Variants in HS6ST3 observed in about 807,000 individuals in gnomAD.
The protein encoded by HS6ST3 is heparan-sulfate 6-O-sulfotransferase 3.
A neutral mutation model predicts 36.7 loss-of-function variants in HS6ST3; 12 were observed. The observed-to-expected ratio is 0.33, with a 90% confidence interval of 0.21 to 0.53. The LOEUF is 0.53. Among genes scored for constraint, HS6ST3 ranks in the 20% least tolerant of loss-of-function variants. HS6ST3 has a pLI of 0.95. For missense variants in HS6ST3, 584 were observed against 640.9 expected (o/e 0.91, Z 0.96); for synonymous variants, 240 against 257.5 (o/e 0.93, Z 0.65).
intron 1 of HS6ST3, among the ~76,000 whole-genome samples, chr13:96,769,490 A>T (rs1877204621): frequency 7.3e-6 from 1 of 136,778 alleles, no homozygotes; most frequent in Non-Finnish European, 1.5e-5. Context: ...CCCCAAACAA[A>T]GGAGAAGCTG....
chr13:96,441,821 G>A (rs1478201088), intron 1 of HS6ST3, among the ~76,000 whole-genome samples: 3 of 151,744 alleles, frequency 2.0e-5, no homozygotes, highest in African/African-American at 7.3e-5. Context: ...AAAAAGACAA[G>A]AAAACAGAAA....
intron 1 of HS6ST3, among the ~76,000 whole-genome samples, chr13:96,105,689 A>C (rs2053838349): frequency 6.6e-6 from 1 of 152,188 alleles, no homozygotes; most frequent in African/African-American, 2.4e-5. Flanking sequence ...GTTATAAAAC[A>C]TTGAATGGTT....
Position 96,284,411 on chromosome 13 carries a change from G to A in HS6ST3, c.707+192842G>A, listed in dbSNP as rs546076916. 4.6e-5 allele frequency among the ~76,000 whole-genome samples: 7 copies of A among 152,298 alleles called. No individual in the cohort carries two copies. In the South Asian group the frequency reaches 1.5e-3, roughly 32 times the overall value. On this transcript the variant is annotated intron_variant, in intron 1 of 1. Coordinates refer to ENST00000376705, the MANE Select transcript of HS6ST3 (RefSeq NM_153456.4). ...CCAAAGGTCCAAGAGTCCCAAAGCT[G>A]AATAACTTGGAGTCTGATGATGTTC...
rs148636323 is a variant in HS6ST3, at chr13:96,227,267, G to C, written c.707+135698G>C. ...ATAGATACTTAACAGCACTTGTTGA[G>C]AGCCATGCTAATCAATTTCATCTGG... On this transcript the variant is annotated intron_variant, in intron 1 of 1. Transcript: ENST00000376705. Among the ~76,000 whole-genome samples the C allele has an allele frequency of 7.7e-4, 117 of 152,234 alleles. 2 individuals carry two copies. The East Asian group carries it at 0.019, about 25-fold the overall frequency.
intron 1 of HS6ST3, among the ~76,000 whole-genome samples, chr13:96,231,376 A>G (rs530585788): frequency 6.6e-6 from 1 of 152,302 alleles, no homozygotes; most frequent in East Asian, 1.9e-4. Flanking sequence ...GGCAATTTAT[A>G]AAGAATAGAA....
chr13:96,572,151 C>T (rs1229415685), intron 1 of HS6ST3, among the ~76,000 whole-genome samples: 1 of 152,176 alleles, frequency 6.6e-6, no homozygotes. Context: ...AGATCTTGGG[C>T]GTGTCCCTTA....
intron 1 of HS6ST3, among the ~76,000 whole-genome samples, chr13:96,393,798 A>G (rs1048903895): frequency 6.6e-6 from 1 of 152,122 alleles, no homozygotes; most frequent in Non-Finnish European, 1.5e-5. Context: ...TTCCTTATAA[A>G]ATATTAGCTG....
chr13:96,135,739 C>T (rs1166026933), intron 1 of HS6ST3, among the ~76,000 whole-genome samples: 7 of 152,104 alleles, frequency 4.6e-5, no homozygotes, highest in Admixed American at 4.6e-4. Context: ...GGGATGGTGC[C>T]CGGTTCAAGA....
chr13:96,590,099 G>A (rs182884803), intron 1 of HS6ST3, among the ~76,000 whole-genome samples: 6 of 152,090 alleles, frequency 3.9e-5, no homozygotes, highest in Non-Finnish European at 5.9e-5. Context: ...GGACACTTGG[G>A]TTGCTTCCAC....
At chr13:96,219,019 T>C (rs1047776479) in intron 1 of HS6ST3, among the ~76,000 whole-genome samples, 1 of 152,146 alleles carries the variant, frequency 6.6e-6, no homozygotes, top group African/African-American at 2.4e-5. Flanking sequence ...CCGCATCTTT[T>C]CACACGAAGT....
At chr13:96,594,985 C>A (rs1029478834) in intron 1 of HS6ST3, among the ~76,000 whole-genome samples, 1 of 152,112 alleles carries the variant, frequency 6.6e-6, no homozygotes, top group African/African-American at 2.4e-5. Flanking sequence ...AGCCTTATGG[C>A]TACAGAATAT....
intron 1 of HS6ST3, among the ~76,000 whole-genome samples, chr13:96,276,287 G>T (rs2054748249): frequency 6.6e-6 from 1 of 152,088 alleles, no homozygotes; most frequent in Non-Finnish European, 1.5e-5. Context: ...TGTGGAACTG[G>T]ACCCAAGACA....
chr13:96,481,310 A>C (rs1199543274), intron 1 of HS6ST3, among the ~76,000 whole-genome samples: 1 of 152,212 alleles, frequency 6.6e-6, no homozygotes, highest in Non-Finnish European at 1.5e-5. Context: ...TTAAAAAAGC[A>C]ATCACAAGCC....
intron 1 of HS6ST3, among the ~76,000 whole-genome samples, chr13:96,137,987 G>T (rs1325308247): frequency 6.6e-6 from 1 of 152,210 alleles, no homozygotes; most frequent in East Asian, 1.9e-4. Context: ...TTCCTGGAAA[G>T]TCTTCAGTGA....
chr13:96,147,270 C>T (rs918144106), intron 1 of HS6ST3, among the ~76,000 whole-genome samples: 2 of 152,124 alleles, frequency 1.3e-5, no homozygotes, highest in African/African-American at 2.4e-5. Flanking sequence ...CCCACTTTAT[C>T]CTGTATTTTT....
intron 1 of HS6ST3, among the ~76,000 whole-genome samples, chr13:96,601,870 A>G (rs922392167): frequency 2.0e-5 from 3 of 151,896 alleles, no homozygotes; most frequent in African/African-American, 7.3e-5. Flanking sequence ...CATGGCAAAG[A>G]CTCTGTATAA....
chr13:96,451,297 A>G (rs1293701105), intron 1 of HS6ST3, among the ~76,000 whole-genome samples: 1 of 151,998 alleles, frequency 6.6e-6, no homozygotes, highest in Non-Finnish European at 1.5e-5. Context: ...AAAAGCCAAA[A>G]TATATTTTTA....
intron 1 of HS6ST3, among the ~76,000 whole-genome samples, chr13:96,528,656 G>A (rs1388389226): frequency 6.6e-6 from 1 of 152,036 alleles, no homozygotes; most frequent in South Asian, 2.1e-4. Context: ...TGTACAAAAG[G>A]TTCATTCGTA....
At chr13:96,790,254 T>C (rs1465489078) in intron 1 of HS6ST3, among the ~76,000 whole-genome samples, 2 of 141,020 alleles carry the variant, frequency 1.4e-5, no homozygotes, top group African/African-American at 2.7e-5. Flanking sequence ...CCCAATCTGC[T>C]GATAAAACAC....
Sources: gnomAD v4.1 joint callset for allele counts (sites outside exome capture counted in the v4.1 genomes callset) on GRCh38, gnomAD v4.1.1 for gene constraint, MANE v1.5 for transcripts, NCBI Gene and HGNC (gene_info 2026-07-23, HGNC 2026-07-21) for gene names.